Variants in HHEX observed in about 807,000 individuals in gnomAD.
The protein encoded by HHEX is hematopoietically-expressed homeobox protein HHEX.
A neutral mutation model predicts 27.0 loss-of-function variants in HHEX; 8 were observed. The observed-to-expected ratio is 0.30, with a 90% CI of 0.17 to 0.54. HHEX has a LOEUF of 0.54. Among genes scored for constraint, HHEX ranks in the 20% least tolerant of loss-of-function variants. HHEX has a pLI of 0.95. For synonymous variants in HHEX, 164 were observed against 161.5 expected (o/e 1.02, Z -0.12); for missense variants, 326 against 357.2 (o/e 0.91, Z 0.70).
intron 1 of HHEX, 124 bp from the exon 2 acceptor site, chr10:92,692,244 T>C: frequency 1.1e-6 from 1 of 890,938 alleles, no homozygotes; most frequent in Non-Finnish European, 1.7e-6. Flanking sequence ...CCGGTGGGTG[T>C]ATGTGAATGT....
Position 92,690,159 on chromosome 10 carries a change from T to C in HHEX, c.173T>C (p.Phe58Ser). The C allele has an allele frequency of 6.4e-7, 1 of 1,556,594 alleles. No homozygotes were observed. Among genetic ancestry groups the C allele is most frequent in the East Asian group, 2.4e-5 (1 of 41,302 alleles). The change falls in exon 1 of 4, where the codon TTC becomes TCC. Residue 58 changes from phenylalanine to serine, a missense_variant. Around this residue, in one of 4 missense-constraint regions of HHEX, gnomAD observed 215 missense variants for 196.4 expected, o/e 1.09. Transcript: ENST00000282728. ...APTLPSPNSS[F>S]TSLVSPYRTP... The stretch of plus-strand genomic sequence containing the variant: ...ACGCTGCCGTCCCCCAACTCCTCCT[T>C]CACCAGCCTCGTGTCCCCCTACCGG...
Position 92,690,121 on chromosome 10 carries a change from C to T in HHEX, c.135C>T (p.Pro45=), listed in dbSNP as rs1328510479. The stretch of plus-strand genomic sequence containing the variant: ...TCCTGGGCCGCGGGCCCGCCGCGCC[C>T]ACGCCCGCCCCCACGCTGCCGTCCC... The part of the protein sequence containing the change: ...EDILGRGPAA[P]TPAPTLPSPN... The change falls in exon 1 of 4, where the codon CCC becomes CCT. Residue 45 remains proline (P), a synonymous_variant. Coordinates refer to ENST00000282728, the MANE Select transcript of HHEX (RefSeq NM_002729.5). 3 of 1,548,442 alleles carry T rather than the reference C, an allele frequency of 1.9e-6. No individual in the cohort carries two copies. The highest frequency in any genetic ancestry group is 2.4e-5 in the South Asian group (2 of 83,956).
intron 3 of HHEX, 91 bp from the exon 4 acceptor site, chr10:92,694,456 G>A: frequency 2.2e-6 from 2 of 909,852 alleles, no homozygotes; most frequent in Non-Finnish European, 3.4e-6. Context: ...ATTAAAAGAT[G>A]GAATAGGATG....
At chr10:92,693,598 T>C (rs144794262) in intron 3 of HHEX, among the ~76,000 whole-genome samples, 23 of 152,284 alleles carry the variant, frequency 1.5e-4, no homozygotes, top group South Asian at 4.1e-4. Flanking sequence ...AAAGAAAGTG[T>C]CCCAAAGAAT....
At chr10:92,692,872 T>C (rs1434550427) in intron 3 of HHEX, 120 bp downstream of exon 3, 4 of 819,794 alleles carry the variant, frequency 4.9e-6, no homozygotes, top group Non-Finnish European at 7.9e-6. Context: ...TTCACCTTGA[T>C]TAAAAAGACA....
chr10:92,693,600 C>T (rs922291390), intron 3 of HHEX, among the ~76,000 whole-genome samples: 1 of 151,818 alleles, frequency 6.6e-6, no homozygotes, highest in African/African-American at 2.4e-5. Context: ...AGAAAGTGTC[C>T]CAAAGAATAT....
Position 92,694,647 on chromosome 10 carries a change from T to C in HHEX, c.692T>C (p.Leu231Ser), listed in dbSNP as rs1366647435. 1 of 1,614,128 alleles carries C rather than the reference T, an allele frequency of 6.2e-7. No individual in the cohort carries two copies. The change falls in exon 4 of 4, where the codon TTG becomes TCG. Residue 231 changes from leucine (L) to serine (S), a missense_variant. By Grantham distance (145) the Leu-to-Ser change is moderately radical. Around this residue, in one of 4 missense-constraint regions of HHEX, gnomAD observed 68 missense variants for 84.9 expected, o/e 0.80. Transcript: ENST00000282728. ...AGTGAACAGAATAAAGGTGCTTCTTTGGATAGCTCTCAATGTTCGCCCTCC... is the reference window on the plus strand; with the variant it reads ...AGTGAACAGAATAAAGGTGCTTCTTCGGATAGCTCTCAATGTTCGCCCTCC... The part of the protein sequence containing the change: ...LPSEQNKGAS[L>S]DSSQCSPSPA...
rs771813965 is a variant in HHEX, at chr10:92,692,475, G to A, written c.469G>A (p.Glu157Lys). 2.5e-6 allele frequency: 4 copies of A among 1,614,120 alleles called. No individual in the cohort carries two copies. The highest frequency in any genetic ancestry group is 3.4e-6 in the Non-Finnish European group (4 of 1,180,022). ...DQTIELEKKF[E>K]TQKYLSPPER... The stretch of plus-strand genomic sequence containing the variant: ...GACCATCGAGCTGGAGAAGAAATTC[G>A]AGACGCAGAAATATCTCTCTCCGCC... The change falls in exon 2 of 4, where the codon GAG (glutamate) becomes AAG (lysine). Residue 157 changes from glutamate to lysine, a missense_variant. Physicochemically the swap from Glu to Lys is moderately conservative, Grantham distance 56. Coordinates refer to ENST00000282728, the MANE Select transcript of HHEX (RefSeq NM_002729.5).
At position 92,690,154 on chromosome 10, in the gene HHEX, C is replaced by T. The variant is rs1845336897; in HGVS notation, c.168C>T (p.Ser56=). The T allele has an allele frequency of 6.4e-7, 1 of 1,555,300 alleles. No homozygotes were observed. Among genetic ancestry groups the T allele is most frequent in the Non-Finnish European group, 8.7e-7 (1 of 1,150,052 alleles). Residue 56 remains serine (S), a synonymous_variant, in exon 1 of 4, where the codon TCC becomes TCT. Coordinates refer to ENST00000282728, the MANE Select transcript of HHEX (RefSeq NM_002729.5). ...TPAPTLPSPN[S]SFTSLVSPYR... is the part of the protein sequence containing the mutation. ...CCCCCACGCTGCCGTCCCCCAACTC[C>T]TCCTTCACCAGCCTCGTGTCCCCCT...
Position 92,692,390 on chromosome 10 carries a change from C to A in HHEX, c.384C>A (p.Pro128=). The A allele has an allele frequency of 6.2e-7, 1 of 1,613,904 alleles. No individual in the cohort carries two copies. Among genetic ancestry groups the A allele is most frequent in the Non-Finnish European group, 8.5e-7 (1 of 1,180,028 alleles). Residue 128 remains proline (P), a synonymous_variant, in exon 2 of 4, where the codon CCC becomes CCA. Coordinates refer to ENST00000282728, the MANE Select transcript of HHEX (RefSeq NM_002729.5). The part of the protein sequence containing the change: ...DPLGKPLLWS[P]FLQRPLHKRK... ...CAGGCAAACCTCTACTCTGGAGCCCCTTCTTGCAGAGGCCTCTGCATAAAA... is the reference window on the plus strand; with the variant it reads ...CAGGCAAACCTCTACTCTGGAGCCCATTCTTGCAGAGGCCTCTGCATAAAA...
chr10:92,694,665 C>G lies in HHEX; in HGVS notation c.710C>G (p.Ser237Trp), dbSNP rs777471219. The G allele has an allele frequency of 1.2e-6, 2 of 1,614,060 alleles. No homozygotes were observed. Among genetic ancestry groups the G allele is most frequent in the East Asian group, 2.2e-5 (1 of 44,882 alleles). ...KGASLDSSQC[S>W]PSPASQEDLE... ...GCTTCTTTGGATAGCTCTCAATGTT[C>G]GCCCTCCCCTGCCTCCCAGGAAGAC... The change falls in exon 4 of 4, where the codon TCG (serine) becomes TGG (tryptophan). Residue 237 changes from serine (S) to tryptophan (W), a missense_variant. Ser to Trp is a radical substitution (Grantham distance 177, BLOSUM62 -3). Coordinates refer to ENST00000282728, the MANE Select transcript of HHEX (RefSeq NM_002729.5).
chr10:92,690,337 C>T lies in HHEX; in HGVS notation c.351C>T (p.His117=), dbSNP rs779268157. 5.2e-5 allele frequency: 77 copies of T among 1,494,486 alleles called. No individual in the cohort carries two copies. In the South Asian group the frequency reaches 8.4e-4, roughly 16 times the overall value. The allele number at this position is 1,494,486 out of a possible 1,614,324, so 92.6% of individuals were successfully genotyped here. A position where few individuals can be genotyped will look rare whatever the true frequency, so the allele number is the denominator to read the frequency against. Residue 117 remains histidine, a synonymous_variant, in exon 1 of 4, where the codon CAC becomes CAT. Transcript: ENST00000282728. ...VNDYTHALLR[H]DPLGKPLLWS... ...ACTACACGCACGCCCTGCTCCGCCA[C>T]GACCCCCTGGGTAAGGCGGCCGGGC...
At chr10:92,692,237 G>A in intron 1 of HHEX, 131 bp from the exon 2 acceptor site, 1 of 835,690 alleles carries the variant, frequency 1.2e-6, no homozygotes, top group Non-Finnish European at 1.9e-6. Flanking sequence ...CCACGTGCCG[G>A]TGGGTGTATG....
At chr10:92,692,671 G>A (rs750323865) in intron 2 of HHEX, 31 bp from the exon 3 acceptor site, 6 of 1,612,348 alleles carry the variant, frequency 3.7e-6, no homozygotes, top group South Asian at 1.1e-5. Flanking sequence ...ACGCGGGCTC[G>A]TTGCAAGTTT....
rs1391782171 is a variant in HHEX at position 92,690,077 on chromosome 10, C to A, written c.91C>A (p.Pro31Thr). ...TPLLQPAHPTPFYIEDILGRG... is the reference protein window; with the variant it reads ...TPLLQPAHPTTFYIEDILGRG... ...GCTGCTGCAACCCGCACACCCGACG[C>A]CCTTTTACATCGAGGACATCCTGGG... Residue 31 changes from proline (P) to threonine (T), a missense_variant, in exon 1 of 4, where the codon CCC (proline) becomes ACC (threonine). Physicochemically the swap from Pro to Thr is conservative, Grantham distance 38 (BLOSUM62 -1). This residue lies in a region of HHEX where 215 missense variants were observed against 196.4 expected (regional missense o/e 1.09). Transcript: ENST00000282728. The A allele has an allele frequency of 6.5e-7, 1 of 1,546,700 alleles. No individual in the cohort carries two copies. The highest frequency in any genetic ancestry group is 2.0e-5 in the Admixed American group (1 of 50,824).
At chr10:92,691,511 T>G (rs1263229290) in intron 1 of HHEX, 2 of 152,158 alleles carry the variant, frequency 1.3e-5, no homozygotes, top group African/African-American at 4.8e-5. Flanking sequence ...GGAGGGGGAT[T>G]GTATTTTTAG....
chr10:92,692,357 C>A lies in HHEX; in HGVS notation c.362-11C>A, dbSNP rs767044329. ...AGGGCAGTGGGTGAGCGCCGCTCTT[C>A]CCGCTCGCAGGCAAACCTCTACTCT... On this transcript the variant is annotated splice_polypyrimidine_tract_variant and intron_variant, in intron 1 of 3. Transcript: ENST00000282728. 6.2e-7 allele frequency: 1 copy of A among 1,612,196 alleles called. No individual in the cohort carries two copies. The highest frequency in any genetic ancestry group is 1.3e-5 in the African/African-American group (1 of 74,812).
chr10:92,692,862 T>C, intron 3 of HHEX, 110 bp downstream of exon 3: 3 of 870,502 alleles, frequency 3.4e-6, no homozygotes, highest in South Asian at 1.5e-5. Flanking sequence ...ATTTAACCTC[T>C]TCACCTTGAT....
At chr10:92,694,352 A>G (rs770280564) in intron 3 of HHEX, among the ~76,000 whole-genome samples, 195 bp from the exon 4 acceptor site, 4 of 152,222 alleles carry the variant, frequency 2.6e-5, no homozygotes, top group Non-Finnish European at 5.9e-5. Context: ...ATAATCTTTG[A>G]TATGACAGAA....
Sources: allele counts gnomAD v4.1 joint callset (sites outside exome capture counted in the v4.1 genomes callset), GRCh38; gene constraint gnomAD v4.1.1; regional missense constraint gnomAD v4.1.1; transcripts MANE v1.5; gene names NCBI Gene and HGNC (gene_info 2026-07-23, HGNC 2026-07-21).